The following IFI16 variants were observed in gnomAD, a reference collection of about 807,000 sequenced individuals.
The protein encoded by IFI16 is gamma-interferon-inducible protein 16.
IFI16 carries 49 observed loss-of-function variants against 68.4 expected under a neutral mutation model. The ratio of observed to expected loss-of-function variants is 0.72; its 90% CI spans 0.57 to 0.91. The LOEUF (loss-of-function observed/expected upper bound fraction) is 0.91, where lower values mean the gene tolerates loss of function less well. Ranked by LOEUF, IFI16 falls within the 40% of genes least tolerant of loss-of-function variation. The pLI is 0.00. For missense variants in IFI16, 878 were observed against 942.9 expected, an observed-to-expected ratio of 0.93 and a Z score of 0.90; for synonymous variants, 307 against 315.0, an observed-to-expected ratio of 0.97 and a Z score of 0.27.
At chr1:159,032,356 C>G in intron 6 of IFI16, 168 bp from the exon 7 acceptor site, 1 of 407,726 alleles carries the variant, frequency 2.5e-6, no homozygotes, top group Non-Finnish European at 4.3e-6. Flanking sequence ...CACATTTTAG[C>G]AAAAAAAATA....
At chr1:159,022,260 G>T (rs56985565) in intron 6 of IFI16, among the ~76,000 whole-genome samples, 3,366 of 152,144 alleles carry the variant, frequency 0.022, 141 homozygotes, top group African/African-American at 0.077. Flanking sequence ...CACCGTGCCC[G>T]GCCCTTAGCC....
chr1:159,041,110 TCAG>T (rs1654607902), intron 7 of IFI16, among the ~76,000 whole-genome samples: 1 of 152,196 alleles, frequency 6.6e-6, no homozygotes, highest in Non-Finnish European at 1.5e-5. Context: ...TACCACTTTT[TCAG>T]CTAACGGTGC....
intron 7 of IFI16, among the ~76,000 whole-genome samples, chr1:159,038,861 C>T (rs924373354): frequency 1.3e-5 from 2 of 152,114 alleles, no homozygotes; most frequent in Non-Finnish European, 2.9e-5. Flanking sequence ...ACCACAGGAC[C>T]AACAGAATCC....
chr1:159,040,892 A>T (rs1445586662), intron 7 of IFI16, among the ~76,000 whole-genome samples: 1 of 152,252 alleles, frequency 6.6e-6, no homozygotes, highest in Non-Finnish European at 1.5e-5. Flanking sequence ...TGTTTCTACC[A>T]GTGTGAGAGA....
intron 7 of IFI16, among the ~76,000 whole-genome samples, 155 bp downstream of exon 7, chr1:159,032,846 G>A (rs1654092089): frequency 6.6e-6 from 1 of 152,100 alleles, no homozygotes; most frequent in East Asian, 1.9e-4. Flanking sequence ...AATTCATACA[G>A]TGAGATAGCA....
Position 159,046,355 on chromosome 1 carries a change from A to G in IFI16, c.1497+891A>G, listed in dbSNP as rs188889267. The stretch of plus-strand genomic sequence containing the variant: ...CATTGGGAACGGGTTTCCTAATGTT[A>G]TGGAAAATTGGCCACATTGATGAGT... On this transcript the variant is annotated intron_variant, in intron 8 of 11. Coordinates refer to ENST00000295809, the MANE Select transcript of IFI16 (RefSeq NM_001376587.1). Among the ~76,000 whole-genome samples, 35 of 151,330 alleles carry G rather than the reference A, an allele frequency of 2.3e-4. 3 individuals carry two copies. The highest frequency in any genetic ancestry group is 1.1e-3 in the Admixed American group (16 of 15,110).
At chr1:159,031,588 A>G (rs1270582765) in intron 6 of IFI16, among the ~76,000 whole-genome samples, 1 of 152,022 alleles carries the variant, frequency 6.6e-6, no homozygotes, top group Non-Finnish European at 1.5e-5. Flanking sequence ...CAAATCCTTC[A>G]CTTGTGATCC....
At chr1:159,028,296 T>C (rs1653792649) in intron 6 of IFI16, among the ~76,000 whole-genome samples, 1 of 152,224 alleles carries the variant, frequency 6.6e-6, no homozygotes, top group Non-Finnish European at 1.5e-5. Context: ...GAGCAGGTTA[T>C]TTAATTTCCA....
At chr1:159,008,331 T>C (rs1652340905), upstream of IFI16, among the ~76,000 whole-genome samples, 1 of 152,190 alleles carries the variant, frequency 6.6e-6, no homozygotes, top group African/African-American at 2.4e-5. Flanking sequence ...GACTTTTCTG[T>C]ATGATAGCAC....
At chr1:159,019,598 A>T (rs766036304) in intron 5 of IFI16, among the ~76,000 whole-genome samples, 6 of 151,974 alleles carry the variant, frequency 3.9e-5, no homozygotes, top group Non-Finnish European at 8.8e-5. Context: ...AGCTGGGACT[A>T]CAGGCGTGTG....
chr1:159,043,475 G>A lies in IFI16; in HGVS notation c.1330-1822G>A, dbSNP rs191004696. Among the ~76,000 whole-genome samples, 290 of 152,252 alleles carry A rather than the reference G, an allele frequency of 1.9e-3. 1 individual carries two copies. Among genetic ancestry groups the A allele is most frequent in the African/African-American group, 6.4e-3 (267 of 41,548 alleles). On this transcript the variant is annotated intron_variant, in intron 7 of 11. Transcript: ENST00000295809. ...ACTCATCCACCTAAACATACACCAC[G>A]TAGTCATTTCTTCTCTGGGATCCAG...
chr1:159,015,292 A>G lies in IFI16; in HGVS notation c.265+347A>G, dbSNP rs537156333. Among the ~76,000 whole-genome samples the G allele has an allele frequency of 4.6e-5, 7 of 152,358 alleles. No individual in the cohort carries two copies. In the East Asian group the frequency reaches 7.7e-4, roughly 17 times the overall value. ...ATATGTACATTTAGCCAATGAATGT[A>G]TCTGTTCTATTGAGACCATTTAACC... On this transcript the variant is annotated intron_variant, in intron 2 of 11. Transcript: ENST00000295809.
chr1:159,049,759 C>T (rs1293734542), intron 9 of IFI16, among the ~76,000 whole-genome samples, 160 bp downstream of exon 9: 4 of 152,160 alleles, frequency 2.6e-5, no homozygotes, highest in African/African-American at 9.7e-5. Context: ...AGGTCCTATC[C>T]AAAATTAAAA....
At chr1:159,001,618 T>C (rs980883809), upstream of IFI16, among the ~76,000 whole-genome samples, 4 of 152,102 alleles carry the variant, frequency 2.6e-5, no homozygotes, top group Non-Finnish European at 4.4e-5. Context: ...AGAAGGAAAT[T>C]TGCATTTCCT....
intron 1 of IFI16, among the ~76,000 whole-genome samples, chr1:159,012,171 T>G (rs1209377397): frequency 6.6e-6 from 1 of 152,224 alleles, no homozygotes; most frequent in East Asian, 1.9e-4. Flanking sequence ...GTCTTTGTCT[T>G]GCAAAAAGAC....
At chr1:159,008,466 C>T (rs1407762071), upstream of IFI16, among the ~76,000 whole-genome samples, 1 of 152,110 alleles carries the variant, frequency 6.6e-6, no homozygotes, top group Non-Finnish European at 1.5e-5. Flanking sequence ...CTGAGTTGCC[C>T]TTATAGGTGA....
intron 6 of IFI16, among the ~76,000 whole-genome samples, chr1:159,023,342 A>G (rs1772423): frequency 6.6e-6 from 1 of 152,088 alleles, no homozygotes; most frequent in East Asian, 1.9e-4. Flanking sequence ...ATTTTTCTAG[A>G]CCATCTGGCT....
At chr1:159,005,426 T>G (rs1170542376), upstream of IFI16, among the ~76,000 whole-genome samples, 1 of 152,146 alleles carries the variant, frequency 6.6e-6, no homozygotes, top group Non-Finnish European at 1.5e-5. Context: ...TCATGACTGG[T>G]TCACATCACT....
chr1:159,007,935 G>A (rs1652319953), upstream of IFI16, among the ~76,000 whole-genome samples: 1 of 152,158 alleles, frequency 6.6e-6, no homozygotes. Flanking sequence ...ACAGTCTATT[G>A]CATCATGAAA....
Sources: allele counts gnomAD v4.1 joint callset (sites outside exome capture counted in the v4.1 genomes callset), GRCh38; gene constraint gnomAD v4.1.1; transcripts MANE v1.5; gene names NCBI Gene and HGNC (gene_info 2026-07-23, HGNC 2026-07-21).